MDH2: variants seen among roughly 807,000 people sequenced by gnomAD.
MDH2 encodes malate dehydrogenase, mitochondrial.
Under a neutral mutation model 33.6 loss-of-function variants are expected in MDH2, and 25 were observed. The observed-to-expected ratio is 0.74, with a 90% confidence interval of 0.54 to 1.04. The LOEUF (loss-of-function observed/expected upper bound fraction) is 1.04, where lower values mean the gene tolerates loss of function less well. MDH2 is among the 50% of genes least tolerant of loss of function. The probability of loss-of-function intolerance (pLI) is 0.00; values close to 1 mark genes in which losing one functional copy is unlikely to be tolerated. For missense variants in MDH2, 432 were observed against 445.0 expected (o/e 0.97, Z 0.26); for synonymous variants, 193 against 188.7 (o/e 1.02, Z -0.19).
intron 5 of MDH2, among the ~76,000 whole-genome samples, chr7:76,060,856 G>A (rs1797927072): frequency 6.6e-6 from 1 of 151,766 alleles, no homozygotes; most frequent in South Asian, 2.1e-4. Flanking sequence ...GGTCCTGGGA[G>A]GATTTACCTG....
rs199565893 is a variant in MDH2, at chr7:76,054,859, C to T, written c.96C>T (p.Ala32=). ...QNNAKVAVLG[A]SGGIGQPLSL... is the part of the protein sequence containing the mutation. The stretch of plus-strand genomic sequence containing the variant: ...ATGCTAAAGTAGCTGTGCTAGGGGC[C>T]TCTGGAGGCATCGGGCAGCCACTTT... Residue 32 remains alanine (A), a synonymous_variant, in exon 2 of 9, where the codon GCC becomes GCT. Coordinates refer to ENST00000315758, the MANE Select transcript of MDH2 (RefSeq NM_005918.4). 3 of 1,614,142 alleles carry T rather than the reference C, an allele frequency of 1.9e-6. No individual in the cohort carries two copies. The African/African-American group carries it at 4.0e-5, about 22-fold the overall frequency.
intron 4 of MDH2, 51 bp from the exon 5 acceptor site, chr7:76,060,322 C>A: frequency 6.2e-7 from 1 of 1,602,408 alleles, no homozygotes. Context: ...TGTGGCTTGG[C>A]CCTGCTCTCG....
At chr7:76,051,960 ACTT>A (rs369364181) in intron 1 of MDH2, among the ~76,000 whole-genome samples, 153 of 152,262 alleles carry the variant, frequency 1.0e-3, no homozygotes, top group African/African-American at 3.4e-3. Context: ...AGATTATACT[ACTT>A]AAGGATTGTG....
Position 76,065,066 on chromosome 7 carries a change from G to T in MDH2, c.885+113G>T, listed in dbSNP as rs1412402116. On this transcript the variant is annotated intron_variant, in intron 8 of 8. Coordinates refer to ENST00000315758, the MANE Select transcript of MDH2 (RefSeq NM_005918.4). ...TGCAGTAAGCTCATGTGCCTGCCTG[G>T]CGAGTGCTGTTGTTTTCAAGGGTGG... is the stretch of plus-strand genomic sequence containing the variant. 6.2e-6 allele frequency: 8 copies of T among 1,292,908 alleles called. No homozygotes were observed. The Admixed American group carries it at 7.9e-5, about 13-fold the overall frequency. The allele number at this position is 1,292,908 out of a possible 1,614,324, so 80.1% of individuals were successfully genotyped here.
At chr7:76,049,122 T>C in intron 1 of MDH2, 1 of 984,788 alleles carries the variant, frequency 1.0e-6, no homozygotes, top group African/African-American at 1.7e-5. Context: ...AAATTTATCA[T>C]CGAAGTTCTC....
chr7:76,048,981 CGGGGGGG>C (rs71521108), intron 1 of MDH2: 181,179 of 496,398 alleles, frequency 0.36, 15,299 homozygotes, highest in East Asian at 0.47. Flanking sequence ...CTTAAGACTG[CGGGGGGG>C]GGGGGGGGGG....
rs1027612518 is a variant in MDH2, at chr7:76,067,392, A to G, written c.*982A>G. On this transcript the variant is annotated 3_prime_UTR_variant, in exon 9 of 9. Coordinates refer to ENST00000315758, the MANE Select transcript of MDH2 (RefSeq NM_005918.4). ...TTTTTGTTTTTTTAAAAAAGCTAAA[A>G]TGGAAATGGATTTTATCATAAAGGA... The G allele has an allele frequency of 7.2e-5, 11 of 152,252 alleles. No individual in the cohort carries two copies. The highest frequency in any genetic ancestry group is 2.4e-4 in the African/African-American group (10 of 41,468). The allele number at this position is 152,252 out of a possible 1,614,324, so 9.4% of individuals were successfully genotyped here.
intron 5 of MDH2, among the ~76,000 whole-genome samples, chr7:76,062,480 G>A (rs1019934401): frequency 2.0e-5 from 3 of 152,172 alleles, no homozygotes; most frequent in Non-Finnish European, 4.4e-5. Flanking sequence ...TACTTTTCCC[G>A]TGCGTGAGGC....
At chr7:76,065,171 G>A in intron 8 of MDH2, 1 of 512,554 alleles carries the variant, frequency 2.0e-6, no homozygotes. Flanking sequence ...CTCCTTCCCT[G>A]CAGTTTGACA....
chr7:76,058,165 G>A (rs1448812998), intron 4 of MDH2, 87 bp downstream of exon 4: 5 of 1,233,880 alleles, frequency 4.1e-6, no homozygotes, highest in East Asian at 2.5e-5. Flanking sequence ...TGCAGCAAAG[G>A]CTGCTGATGT....
chr7:76,060,846 G>A (rs552560200), intron 5 of MDH2, among the ~76,000 whole-genome samples: 79 of 151,910 alleles, frequency 5.2e-4, no homozygotes, highest in African/African-American at 1.9e-3. Context: ...CCTGAAAACT[G>A]GTCCTGGGAG....
At chr7:76,051,318 AT>A (rs11342333) in intron 1 of MDH2, among the ~76,000 whole-genome samples, 19,919 of 129,718 alleles carry the variant, frequency 0.15, 1,545 homozygotes, top group African/African-American at 0.3. Context: ...CAGACTTTGG[AT>A]TTTTTTTTTT....
chr7:76,057,556 T>G, intron 3 of MDH2, 63 bp downstream of exon 3: 1 of 1,524,156 alleles, frequency 6.6e-7, no homozygotes, highest in South Asian at 1.2e-5. Flanking sequence ...TAAATCCATT[T>G]CCTATTAAAA....
At position 76,063,573 on chromosome 7, in the gene MDH2, T is replaced by TC. The variant is rs1554587310; in HGVS notation, c.615dup (p.Ile206HisfsTer36). 2.5e-6 allele frequency: 4 copies of TC among 1,614,226 alleles called. No individual in the cohort carries two copies. Among genetic ancestry groups the TC allele is most frequent in the Non-Finnish European group, 3.4e-6 (4 of 1,180,026 alleles). ...ATTGGTGGCCATGCTGGGAAGACCA[T>TC]CATCCCCCTGATCTCTCAGGTACAC... On this transcript the variant is annotated frameshift_variant, in exon 6 of 9. Transcript: ENST00000315758. LOFTEE classifies it high-confidence loss of function.
chr7:76,048,926 A>C, intron 1 of MDH2: 1 of 990,364 alleles, frequency 1.0e-6, no homozygotes, highest in Non-Finnish European at 1.2e-6. Flanking sequence ...TGTCAGAATC[A>C]CCAGAAAGCT....
At chr7:76,059,603 G>A (rs1797885179) in intron 4 of MDH2, among the ~76,000 whole-genome samples, 1 of 152,222 alleles carries the variant, frequency 6.6e-6, no homozygotes, top group East Asian at 1.9e-4. Flanking sequence ...CTTCCTGGCG[G>A]AGCCTGGGTC....
At chr7:76,058,183 G>A in intron 4 of MDH2, 105 bp downstream of exon 4, 2 of 1,039,302 alleles carry the variant, frequency 1.9e-6, no homozygotes, top group Middle Eastern at 2.9e-4. Flanking sequence ...TGTGCTGGGG[G>A]GATGGGGGGA....
intron 3 of MDH2, among the ~76,000 whole-genome samples, 189 bp from the exon 4 acceptor site, chr7:76,057,780 C>T (rs560340067): frequency 4.6e-5 from 7 of 152,140 alleles, no homozygotes; most frequent in Non-Finnish European, 8.8e-5. Context: ...GTTGTCCTCC[C>T]CTGCTCCACC....
chr7:76,057,578 C>A (rs1197769240), intron 3 of MDH2, 85 bp downstream of exon 3: 8 of 1,388,794 alleles, frequency 5.8e-6, no homozygotes, highest in Non-Finnish European at 7.0e-6. Context: ...TGGATTTAAT[C>A]TGGTTGCTTT....
Sources: gnomAD v4.1 joint callset for allele counts (sites outside exome capture counted in the v4.1 genomes callset) on GRCh38, gnomAD v4.1.1 for gene constraint, MANE v1.5 for transcripts, NCBI Gene and HGNC (gene_info 2026-07-23, HGNC 2026-07-21) for gene names.